Variants in PDE4D observed in about 807,000 individuals in gnomAD.
PDE4D encodes 3',5'-cyclic-AMP phosphodiesterase 4D.
Under a neutral mutation model 87.4 loss-of-function variants are expected in PDE4D, and 24 were observed. That is an observed-to-expected ratio of 0.27 (90% CI 0.20 to 0.39). The LOEUF is 0.39. Ranked by LOEUF, PDE4D falls within the 10% of genes least tolerant of loss-of-function variation. PDE4D has a pLI of 1.00. For synonymous variants in PDE4D, 384 were observed against 383.2 expected, an observed-to-expected ratio of 1.00 and a Z score of -0.02; for missense variants, 714 against 1,041.0, an observed-to-expected ratio of 0.69 and a Z score of 4.32.
Position 59,392,445 on chromosome 5 carries a change from G to A in PDE4D, c.456-176477C>T, listed in dbSNP as rs575045. 1.7e-4 allele frequency among the ~76,000 whole-genome samples: 25 copies of A among 150,384 alleles called. No homozygotes were observed. The South Asian group carries it at 3.2e-3, about 19-fold the overall frequency. On this transcript the variant is annotated intron_variant, in intron 1 of 14. Coordinates refer to ENST00000340635, the MANE Select transcript of PDE4D (RefSeq NM_001104631.2). ...GCCTACAGATGGCCTATTGTGGAAC[G>A]TTGTGATTACGTGAGTTAATACTTA...
chr5:60,090,086 GATT>G (rs1774969368), intron 2 of PDE4D, among the ~76,000 whole-genome samples: 3 of 152,014 alleles, frequency 2.0e-5, no homozygotes, highest in Non-Finnish European at 4.4e-5. Context: ...TCTGCCAAAC[GATT>G]AAAGAATAAC....
At chr5:59,997,092 A>G (rs1763588844) in intron 2 of PDE4D, among the ~76,000 whole-genome samples, 1 of 152,194 alleles carries the variant, frequency 6.6e-6, no homozygotes, top group South Asian at 2.1e-4. Context: ...TCTAGGATTC[A>G]ATTAACCTTT....
chr5:59,989,087 C>CATAT (rs541522751), intron 2 of PDE4D, among the ~76,000 whole-genome samples: 6,598 of 99,970 alleles, frequency 0.066, 260 homozygotes, highest in Middle Eastern at 0.1. Flanking sequence ...ATGCATGTGT[C>CATAT]ATATATATAT....
chr5:60,095,101 C>T (rs1431637956), intron 2 of PDE4D, among the ~76,000 whole-genome samples: 1 of 152,048 alleles, frequency 6.6e-6, no homozygotes, highest in Non-Finnish European at 1.5e-5. Flanking sequence ...GCAGAACGTG[C>T]AGGTTTGTTA....
chr5:60,273,619 C>T (rs1327581369), intron 1 of PDE4D, among the ~76,000 whole-genome samples: 2 of 151,960 alleles, frequency 1.3e-5, no homozygotes, highest in African/African-American at 2.4e-5. Context: ...ATGGTGAAGA[C>T]CTGCACCAGA....
chr5:60,366,451 A>G (rs1760551852), intron 1 of PDE4D, among the ~76,000 whole-genome samples: 1 of 152,194 alleles, frequency 6.6e-6, no homozygotes. Flanking sequence ...CTCCCTAAGT[A>G]AAACACATAT....
At chr5:60,461,273 C>A (rs963869427) in intron 1 of PDE4D, among the ~76,000 whole-genome samples, 3 of 152,164 alleles carry the variant, frequency 2.0e-5, no homozygotes, top group African/African-American at 7.2e-5. Flanking sequence ...CTGCCCCAAA[C>A]ATGCATAGGC....
chr5:59,354,658 T>A (rs940841811), intron 1 of PDE4D, among the ~76,000 whole-genome samples: 5 of 152,354 alleles, frequency 3.3e-5, no homozygotes, highest in Admixed American at 3.3e-4. Context: ...ATGAGGGACC[T>A]GCAGAAATGC....
chr5:58,971,620 T>G lies in PDE4D; in HGVS notation c.*3044A>C, dbSNP rs1427561692. 1.3e-5 allele frequency: 2 copies of G among 152,638 alleles called. No homozygotes were observed. The highest frequency in any genetic ancestry group is 2.9e-5 in the Non-Finnish European group (2 of 68,020). The allele number at this position is 152,638 out of a possible 1,614,324, so 9.5% of individuals were successfully genotyped here. On this transcript the variant is annotated 3_prime_UTR_variant, in exon 15 of 15. Coordinates refer to ENST00000340635, the MANE Select transcript of PDE4D (RefSeq NM_001104631.2). Reference sequence around the variant, plus strand: ...ATTTCATTCAAGTTTTTTCTTTCCTTGTCTGTAATTTGTTCTATCTACATT... The same window carrying G: ...ATTTCATTCAAGTTTTTTCTTTCCTGGTCTGTAATTTGTTCTATCTACATT...
At chr5:59,652,887 C>A (rs905330293) in intron 1 of PDE4D, among the ~76,000 whole-genome samples, 1 of 151,736 alleles carries the variant, frequency 6.6e-6, no homozygotes, top group Non-Finnish European at 1.5e-5. Flanking sequence ...ATGCTGAATT[C>A]TTTTATTTAG....
At chr5:60,132,423 T>C (rs1779665552) in intron 2 of PDE4D, among the ~76,000 whole-genome samples, 2 of 152,186 alleles carry the variant, frequency 1.3e-5, no homozygotes, top group African/African-American at 4.8e-5. Context: ...ATGTTGGTTT[T>C]TGAACTAATC....
chr5:59,177,124 T>C lies in PDE4D; in HGVS notation c.808+3471A>G, dbSNP rs1175755713. 2.0e-5 allele frequency among the ~76,000 whole-genome samples: 3 copies of C among 152,248 alleles called. No homozygotes were observed. In the East Asian group the frequency reaches 5.8e-4, roughly 29 times the overall value. Reference sequence around the variant, plus strand: ...TATCCTAACCCAATATGTGTTGGTATTTGGAGGCCGGGCCTGTGGGAGGTG... The same window carrying C: ...TATCCTAACCCAATATGTGTTGGTACTTGGAGGCCGGGCCTGTGGGAGGTG... On this transcript the variant is annotated intron_variant, in intron 5 of 14. Transcript: ENST00000340635.
At chr5:59,164,364 G>A (rs1781577870) in intron 5 of PDE4D, among the ~76,000 whole-genome samples, 1 of 152,206 alleles carries the variant, frequency 6.6e-6, no homozygotes, top group African/African-American at 2.4e-5. Context: ...AAGTATCACA[G>A]TACAGTCAAG....
intron 1 of PDE4D, among the ~76,000 whole-genome samples, chr5:59,598,681 G>C (rs568416822): frequency 2.0e-5 from 3 of 152,098 alleles, no homozygotes; most frequent in Non-Finnish European, 4.4e-5. Flanking sequence ...GGTCTAGTGT[G>C]CAGGTGATAG....
intron 1 of PDE4D, among the ~76,000 whole-genome samples, chr5:59,655,145 T>TA (rs71604795): frequency 1.4e-4 from 21 of 150,248 alleles, no homozygotes; most frequent in Middle Eastern, 3.4e-3. Context: ...TGCCATATAT[T>TA]AAAAAAAAAA....
intron 1 of PDE4D, among the ~76,000 whole-genome samples, chr5:60,337,737 G>A (rs1022921064): frequency 7.9e-5 from 12 of 151,884 alleles, no homozygotes; most frequent in Admixed American, 7.9e-4. Flanking sequence ...CCTCACAACA[G>A]CTATTCTATT....
At chr5:59,923,118 T>G (rs1198931585) in intron 3 of PDE4D, among the ~76,000 whole-genome samples, 1 of 152,104 alleles carries the variant, frequency 6.6e-6, no homozygotes, top group Non-Finnish European at 1.5e-5. Flanking sequence ...GAAAGTCTCC[T>G]CTGCTTTTAG....
At chr5:59,908,826 A>G (rs567652955) in intron 3 of PDE4D, among the ~76,000 whole-genome samples, 1 of 152,334 alleles carries the variant, frequency 6.6e-6, no homozygotes, top group African/African-American at 2.4e-5. Flanking sequence ...CTAAGAATTA[A>G]TTAAATCCAT....
chr5:59,152,922 T>C (rs933643549), intron 5 of PDE4D, among the ~76,000 whole-genome samples: 12 of 152,116 alleles, frequency 7.9e-5, no homozygotes, highest in Admixed American at 7.2e-4. Flanking sequence ...GAAAGCACTG[T>C]GGAGTTGTTC....
Sources: allele counts gnomAD v4.1 joint callset (sites outside exome capture counted in the v4.1 genomes callset), GRCh38; gene constraint gnomAD v4.1.1; transcripts MANE v1.5; gene names NCBI Gene and HGNC (gene_info 2026-07-23, HGNC 2026-07-21).